The following PKIB variants were observed in gnomAD, a reference collection of about 807,000 sequenced individuals.
PKIB encodes PKI-beta.
In PKIB, 2 loss-of-function variants were observed where a neutral mutation model predicts 4.5. That is an observed-to-expected ratio of 0.44 (90% CI 0.18 to 1.39). The LOEUF (loss-of-function observed/expected upper bound fraction) is 1.39. Among genes scored for constraint, PKIB ranks in the 40% most tolerant of loss-of-function variants. PKIB has a pLI of 0.27. For missense variants in PKIB, 94 were observed against 92.6 expected, an observed-to-expected ratio of 1.02 and a Z score of -0.06; for synonymous variants, 38 against 36.0, an observed-to-expected ratio of 1.06 and a Z score of -0.20.
intron 2 of PKIB, among the ~76,000 whole-genome samples, chr6:122,501,035 A>T (rs1776217830): frequency 6.6e-6 from 1 of 152,052 alleles, no homozygotes; most frequent in Non-Finnish European, 1.5e-5. Flanking sequence ...CGTGGGGATT[A>T]CAATTTGACA....
chr6:122,545,252 C>G (rs890095306), intron 2 of PKIB, among the ~76,000 whole-genome samples: 1 of 151,872 alleles, frequency 6.6e-6, no homozygotes, highest in Admixed American at 6.6e-5. Flanking sequence ...GCCCATCAGT[C>G]GTGGACTGGA....
chr6:122,506,935 T>A (rs973065941), intron 2 of PKIB, among the ~76,000 whole-genome samples: 3 of 151,804 alleles, frequency 2.0e-5, no homozygotes, highest in Non-Finnish European at 4.4e-5. Flanking sequence ...TCTCCTGACC[T>A]CGTGATCCGC....
intron 1 of PKIB, among the ~76,000 whole-genome samples, chr6:122,476,071 T>C (rs773077901): frequency 2.0e-5 from 3 of 152,228 alleles, no homozygotes; most frequent in Non-Finnish European, 4.4e-5. Flanking sequence ...TTAGAAATTA[T>C]ACTGCTTAGT....
intron 1 of PKIB, among the ~76,000 whole-genome samples, chr6:122,628,118 C>T (rs1775538194): frequency 6.6e-6 from 1 of 151,438 alleles, no homozygotes; most frequent in Admixed American, 6.6e-5. Context: ...CTCACCGCAA[C>T]CTCCACCTCC....
At chr6:122,606,401 C>T (rs1582731743), upstream of PKIB, among the ~76,000 whole-genome samples, 1 of 151,880 alleles carries the variant, frequency 6.6e-6, no homozygotes, top group Non-Finnish European at 1.5e-5. Context: ...GGTGAAACCC[C>T]GTCTCTGCAA....
intron 3 of PKIB, among the ~76,000 whole-genome samples, chr6:122,710,869 C>G (rs1779247834): frequency 1.3e-5 from 2 of 151,974 alleles, no homozygotes. Flanking sequence ...ATTTGAGTCA[C>G]TGGTTAGAAA....
intron 3 of PKIB, chr6:122,701,145 A>T: frequency 3.9e-6 from 1 of 258,132 alleles, no homozygotes; most frequent in Non-Finnish European, 7.5e-6. Context: ...CTCAGGAAGC[A>T]GCAGCAGAGG....
intron 2 of PKIB, among the ~76,000 whole-genome samples, chr6:122,644,934 T>C (rs555765652): frequency 1.8e-4 from 27 of 152,356 alleles, no homozygotes; most frequent in Middle Eastern, 3.4e-3. Flanking sequence ...TGACAACTCC[T>C]GTAACTGGGT....
chr6:122,615,206 A>T lies in PKIB; in HGVS notation c.-161+4671A>T, dbSNP rs868733031. Among the ~76,000 whole-genome samples, 95 of 152,146 alleles carry T rather than the reference A, an allele frequency of 6.2e-4. 2 individuals are homozygous for T. The highest frequency in any genetic ancestry group is 6.2e-3 in the East Asian group (32 of 5,170). ...TTGCAGTAGTGAAAAGAAAAAAAAA[A>T]TTTTTAAATATGTCTTTCTAACATG... is the stretch of plus-strand genomic sequence containing the variant. On this transcript the variant is annotated intron_variant, in intron 1 of 4. Transcript: ENST00000368452.
intron 2 of PKIB, among the ~76,000 whole-genome samples, chr6:122,531,682 G>T (rs1456346589): frequency 2.0e-5 from 3 of 152,052 alleles, no homozygotes; most frequent in African/African-American, 7.2e-5. Flanking sequence ...TTCACTTCTG[G>T]TAAGGGTTTC....
At chr6:122,591,195 GAC>G (rs553441395) in intron 3 of PKIB, among the ~76,000 whole-genome samples, 229 of 150,018 alleles carry the variant, frequency 1.5e-3, no homozygotes, top group Non-Finnish European at 2.5e-3. Flanking sequence ...CCTATCTCTC[GAC>G]ACACACACAC....
intron 4 of PKIB, among the ~76,000 whole-genome samples, chr6:122,720,312 A>G (rs6933848): frequency 0.42 from 63,886 of 152,016 alleles, 14,927 homozygotes; most frequent in South Asian, 0.64. Flanking sequence ...TCCCTTATAA[A>G]TTGATAACCA....
In PKIB at chr6:122,641,081, C is replaced by G. The variant is rs190004594; in HGVS notation, c.-76+7714C>G. 2.5e-3 allele frequency among the ~76,000 whole-genome samples: 382 copies of G among 152,212 alleles called. 1 individual carries two copies. Among genetic ancestry groups the G allele is most frequent in the African/African-American group, 8.7e-3 (360 of 41,556 alleles). On this transcript the variant is annotated intron_variant, in intron 2 of 4. Coordinates refer to ENST00000368452, the MANE Select transcript of PKIB (RefSeq NM_181795.3). The stretch of plus-strand genomic sequence containing the variant: ...AAATAAAATGCAACAGTTAAGTCTC[C>G]TCTCAGAAGCTCCTATGAATTAGTA...
chr6:122,630,563 A>C (rs1488006136), intron 1 of PKIB, among the ~76,000 whole-genome samples: 1 of 152,154 alleles, frequency 6.6e-6, no homozygotes, highest in African/African-American at 2.4e-5. Context: ...ATGGGTATGA[A>C]ATTTCAGTTT....
At chr6:122,547,342 A>G (rs1772525532) in intron 2 of PKIB, among the ~76,000 whole-genome samples, 1 of 151,528 alleles carries the variant, frequency 6.6e-6, no homozygotes, top group African/African-American at 2.4e-5. Flanking sequence ...TTTTTCTTCT[A>G]TTTTCTTTTC....
intron 1 of PKIB, among the ~76,000 whole-genome samples, chr6:122,475,497 A>G (rs1036900318): frequency 2.6e-5 from 4 of 152,122 alleles, no homozygotes; most frequent in Non-Finnish European, 5.9e-5. Flanking sequence ...CTATAAAAGT[A>G]AAAATAGGCC....
intron 1 of PKIB, among the ~76,000 whole-genome samples, chr6:122,611,328 C>T (rs1268328620): frequency 6.6e-6 from 1 of 152,090 alleles, no homozygotes; most frequent in Non-Finnish European, 1.5e-5. Flanking sequence ...CGTAGAGCTC[C>T]CCGGGGAACG....
At chr6:122,473,809 A>G (rs1775376187) in intron 1 of PKIB, among the ~76,000 whole-genome samples, 1 of 152,210 alleles carries the variant, frequency 6.6e-6, no homozygotes, top group African/African-American at 2.4e-5. Flanking sequence ...GCCAAAATTC[A>G]AATTAGTCTA....
chr6:122,722,326 A>G (rs1027469773), intron 4 of PKIB, among the ~76,000 whole-genome samples: 7 of 152,160 alleles, frequency 4.6e-5, no homozygotes, highest in South Asian at 2.1e-4. Flanking sequence ...GGTATTTGGA[A>G]TCATGTTTTA....
Sources: gnomAD v4.1 joint callset for allele counts (sites outside exome capture counted in the v4.1 genomes callset) on GRCh38, gnomAD v4.1.1 for gene constraint, MANE v1.5 for transcripts, NCBI Gene and HGNC (gene_info 2026-07-23, HGNC 2026-07-21) for gene names.